The following TMEM63B variants were observed in gnomAD, a reference collection of about 807,000 sequenced individuals.
TMEM63B encodes the protein mechanosensitive cation channel TMEM63B.
In TMEM63B, 23 loss-of-function variants were observed where a neutral mutation model predicts 102.6. That is an observed-to-expected ratio of 0.22 (90% CI 0.16 to 0.32). The LOEUF (loss-of-function observed/expected upper bound fraction) is 0.32. TMEM63B is among the 10% of genes least tolerant of loss of function. The probability of loss-of-function intolerance (pLI) is 1.00; values close to 1 mark genes in which losing one functional copy is unlikely to be tolerated. For synonymous variants in TMEM63B, 444 were observed against 437.0 expected, an observed-to-expected ratio of 1.02 and a Z score of -0.20; for missense variants, 628 against 1,095.9, an observed-to-expected ratio of 0.57 and a Z score of 6.03.
Position 44,152,588 on chromosome 6 carries a change from C to A in TMEM63B, c.1837-5C>A, listed in dbSNP as rs777561138. On this transcript the variant is annotated splice_polypyrimidine_tract_variant and splice_region_variant and intron_variant, in intron 19 of 23. Coordinates refer to ENST00000323267, the MANE Select transcript of TMEM63B (RefSeq NM_018426.3). This position sits in a 1 kb window ranked among gnomAD's most constrained non-coding sequence, Gnocchi z 6.4. Reference sequence around the variant, plus strand: ...GAGCCATCCTCCTGCCCGTCTCCCCCCCAGCATCAGGCCTACGAGTTCCAG... The same window carrying A: ...GAGCCATCCTCCTGCCCGTCTCCCCACCAGCATCAGGCCTACGAGTTCCAG... 14 of 1,607,460 alleles carry A rather than the reference C, an allele frequency of 8.7e-6. No homozygotes were observed. The highest frequency in any genetic ancestry group is 1.3e-5 in the African/African-American group (1 of 75,026).
chr6:44,142,420 C>A (rs1377991124), intron 10 of TMEM63B, among the ~76,000 whole-genome samples: 1 of 152,110 alleles, frequency 6.6e-6, no homozygotes, highest in Non-Finnish European at 1.5e-5. Flanking sequence ...GTCTCAGCTA[C>A]TCAGGAGGCT....
chr6:44,148,780 C>G lies in TMEM63B; in HGVS notation c.1260-12C>G, dbSNP rs748086520. 6.2e-7 allele frequency: 1 copy of G among 1,614,064 alleles called. No homozygotes were observed. ...CTTGGTTCCTGGACTGACCGGTTCCCCACCTTGCCAGGGAGCACCTCTCCA... is the reference window on the plus strand; with the variant it reads ...CTTGGTTCCTGGACTGACCGGTTCCGCACCTTGCCAGGGAGCACCTCTCCA... On this transcript the variant is annotated splice_polypyrimidine_tract_variant and intron_variant, in intron 14 of 23. Transcript: ENST00000323267. This position sits in a 1 kb window ranked among gnomAD's most constrained non-coding sequence, Gnocchi z 5.1.
Position 44,151,935 on chromosome 6 carries a change from T to C in TMEM63B, c.1763T>C (p.Ile588Thr), listed in dbSNP as rs2128269693. Residue 588 changes from isoleucine (I) to threonine (T), a missense_variant, in exon 19 of 24, where the codon ATC becomes ACC. This residue lies in a region of TMEM63B where 90 missense variants were observed against 136.7 expected (regional missense o/e 0.66). Coordinates refer to ENST00000323267, the MANE Select transcript of TMEM63B (RefSeq NM_018426.3). ...GGCAACGCCATGGACCTGCTGCGCA[T>C]CCCAGGCCTGCTCATGTACATGATC... ...FIGNAMDLLR[I>T]PGLLMYMIRL... is the part of the protein sequence containing the mutation. 6.2e-7 allele frequency: 1 copy of C among 1,613,552 alleles called. No individual in the cohort carries two copies. Among genetic ancestry groups the C allele is most frequent in the Non-Finnish European group, 8.5e-7 (1 of 1,179,720 alleles).
intron 5 of TMEM63B, among the ~76,000 whole-genome samples, chr6:44,136,990 A>G (rs1321927648): frequency 6.6e-6 from 1 of 152,240 alleles, no homozygotes; most frequent in Non-Finnish European, 1.5e-5. Flanking sequence ...GCTTGCAGTG[A>G]GCTGAGATGG....
Position 44,136,551 on chromosome 6 carries a change from C to T in TMEM63B, c.369+112C>T, listed in dbSNP as rs996487625. The T allele has an allele frequency of 6.6e-6, 5 of 758,168 alleles. No individual in the cohort carries two copies. In the Admixed American group the frequency reaches 8.4e-5, roughly 13 times the overall value. 47.0% of individuals were successfully genotyped at this position (758,168 alleles called of 1,614,324 possible). On this transcript the variant is annotated intron_variant, in intron 5 of 23. Coordinates refer to ENST00000323267, the MANE Select transcript of TMEM63B (RefSeq NM_018426.3). The stretch of plus-strand genomic sequence containing the variant: ...GAGTCAGGGATGCTGGTTTGGCCTC[C>T]TCCTCAGCAAAGAAAGTGATTCAAC...
Position 44,136,453 on chromosome 6 carries a change from C to A in TMEM63B, c.369+14C>A. ...CAAAGGGACAATGTGAGTGCCCTCC[C>A]CCCAAACTTCTTAGTCCCCCACCCC... On this transcript the variant is annotated intron_variant, in intron 5 of 23. Coordinates refer to ENST00000323267, the MANE Select transcript of TMEM63B (RefSeq NM_018426.3). 10 of 1,604,752 alleles carry A rather than the reference C, an allele frequency of 6.2e-6. No homozygotes were observed. Among genetic ancestry groups the A allele is most frequent in the Non-Finnish European group, 8.5e-6 (10 of 1,173,246 alleles).
intron 1 of TMEM63B, among the ~76,000 whole-genome samples, chr6:44,131,579 C>T (rs558048736): frequency 6.6e-5 from 10 of 152,092 alleles, no homozygotes; most frequent in Admixed American, 3.3e-4. Context: ...ATTAGCTGGG[C>T]GTGGTGGCAT....
At position 44,141,095 on chromosome 6, in the gene TMEM63B, TTGAG is replaced by T; in HGVS notation, c.782+3_782+6del. On this transcript the variant is annotated splice_donor_variant and coding_sequence_variant, in exon 10 of 24. Transcript: ENST00000323267. LOFTEE classifies it high-confidence loss of function. ...GAGTCAGAAAAGATCAAGAAGCATT[TTGAG>T]TGAGTAAGCCACGCTTCCCCCTACC... 1 of 1,613,884 alleles carries T rather than the reference TTGAG, an allele frequency of 6.2e-7. No homozygotes were observed. The highest frequency in any genetic ancestry group is 8.5e-7 in the Non-Finnish European group (1 of 1,179,948).
chr6:44,140,210 C>A, intron 8 of TMEM63B, 42 bp from the exon 9 acceptor site: 1 of 1,523,258 alleles, frequency 6.6e-7, no homozygotes, highest in South Asian at 1.1e-5. Flanking sequence ...TGAGTGTGTC[C>A]TAGCCCCAGT....
rs1283703692 is a variant in TMEM63B at position 44,155,406 on chromosome 6, G to A, written c.*523G>A. Reference sequence around the variant, plus strand: ...AGGCTCACAGCTGGGGTGGCCTGGGGGTGGGGGTGGGCAAGGCTGACACTG... The same window carrying A: ...AGGCTCACAGCTGGGGTGGCCTGGGAGTGGGGGTGGGCAAGGCTGACACTG... On this transcript the variant is annotated 3_prime_UTR_variant, in exon 24 of 24. Transcript: ENST00000323267. 3 of 152,234 alleles carry A rather than the reference G, an allele frequency of 2.0e-5. No individual in the cohort carries two copies. The highest frequency in any genetic ancestry group is 1.9e-4 in the East Asian group (1 of 5,196). The allele number at this position is 152,234 out of a possible 1,614,324, so 9.4% of individuals were successfully genotyped here.
intron 2 of TMEM63B, 105 bp from the exon 3 acceptor site, chr6:44,134,912 G>A: frequency 2.0e-6 from 3 of 1,509,248 alleles, no homozygotes; most frequent in East Asian, 2.3e-5. Context: ...CCAAGCCAGG[G>A]TCATCCCCTT....
intron 1 of TMEM63B, among the ~76,000 whole-genome samples, chr6:44,133,124 A>C (rs761823024): frequency 6.6e-6 from 1 of 152,140 alleles, no homozygotes; most frequent in Non-Finnish European, 1.5e-5. Context: ...ACAATTACTA[A>C]ATTAGTGTGT....
At chr6:44,138,729 C>A (rs1763519591) in intron 6 of TMEM63B, 2 of 461,488 alleles carry the variant, frequency 4.3e-6, no homozygotes, top group Admixed American at 3.6e-5. Context: ...TCTGTGACCC[C>A]CTGCCGGCCC....
At chr6:44,142,050 A>T (rs142582721) in intron 10 of TMEM63B, among the ~76,000 whole-genome samples, 1,773 of 151,950 alleles carry the variant, frequency 0.012, 39 homozygotes, top group African/African-American at 0.04. Context: ...TGAACCCAGG[A>T]GGTCGAGGCT....
At chr6:44,127,517 G>GCCCCCT, upstream of TMEM63B, 1 of 135,204 alleles carries the variant, frequency 7.4e-6, no homozygotes, top group Admixed American at 7.1e-5. Context: ...GCGGGGCTCC[G>GCCCCCT]CCCCCTCCCC....
In TMEM63B at chr6:44,148,712, G is replaced by C; in HGVS notation, c.1259+62G>C. 6.2e-7 allele frequency: 1 copy of C among 1,610,704 alleles called. No homozygotes were observed. The highest frequency in any genetic ancestry group is 8.5e-7 in the Non-Finnish European group (1 of 1,177,398). On this transcript the variant is annotated intron_variant, in intron 14 of 23. Coordinates refer to ENST00000323267, the MANE Select transcript of TMEM63B (RefSeq NM_018426.3). This position sits in a 1 kb window ranked among gnomAD's most constrained non-coding sequence, Gnocchi z 5.1. ...CTGGGATGGGCTCAGTAGGTAGGCG[G>C]AGGAGAGGGAGTGTCTTGGTGTCAC...
intron 10 of TMEM63B, among the ~76,000 whole-genome samples, chr6:44,146,591 C>T (rs945481639): frequency 1.3e-5 from 2 of 152,024 alleles, no homozygotes; most frequent in African/African-American, 4.8e-5. Context: ...GCTGGGACTA[C>T]AGGCACGTGC....
chr6:44,152,081 G>A lies in TMEM63B; in HGVS notation c.1836+73G>A, dbSNP rs1005240919. ...CCCAACAAGAAACAGCAGCCATCGC[G>A]CTAGGGTTGAGGGGCACAGGAGGGC... On this transcript the variant is annotated intron_variant, in intron 19 of 23. Transcript: ENST00000323267. The surrounding 1 kb of genome is among the most constrained non-coding windows in gnomAD (Gnocchi z 6.4). The A allele has an allele frequency of 2.7e-6, 4 of 1,502,550 alleles. No individual in the cohort carries two copies. The South Asian group carries it at 3.7e-5, about 14-fold the overall frequency. The allele number at this position is 1,502,550 out of a possible 1,614,324, so 93.1% of individuals were successfully genotyped here.
intron 10 of TMEM63B, among the ~76,000 whole-genome samples, chr6:44,143,251 C>T (rs1050272890): frequency 6.6e-6 from 1 of 152,228 alleles, no homozygotes; most frequent in Non-Finnish European, 1.5e-5. Context: ...ATACTACATG[C>T]AGTTATTGAC....
Sources: gnomAD v4.1 joint callset for allele counts (sites outside exome capture counted in the v4.1 genomes callset) on GRCh38, gnomAD v4.1.1 for gene constraint, gnomAD v4.1.1 regional missense constraint, Gnocchi (gnomAD v3.1) non-coding constraint, MANE v1.5 for transcripts, NCBI Gene and HGNC (gene_info 2026-07-23, HGNC 2026-07-21) for gene names.